Variants in GULP1 observed in about 807,000 individuals in gnomAD.
GULP1 encodes GULP PTB domain containing engulfment adaptor 1.
GULP1 carries 19 observed loss-of-function variants against 40.9 expected under a neutral mutation model. The observed-to-expected ratio is 0.46, with a 90% CI of 0.32 to 0.68. The LOEUF is 0.68. Ranked by LOEUF, GULP1 falls within the 30% of genes least tolerant of loss-of-function variation. The pLI is 0.03. For synonymous variants in GULP1, 119 were observed against 117.6 expected (o/e 1.01, Z -0.08); for missense variants, 312 against 362.2 (o/e 0.86, Z 1.12).
At chr2:188,317,767 T>A (rs943953369) in intron 1 of GULP1, among the ~76,000 whole-genome samples, 2 of 150,970 alleles carry the variant, frequency 1.3e-5, no homozygotes, top group Non-Finnish European at 2.9e-5. Flanking sequence ...ACATGTATTT[T>A]AAAATATGCT....
At chr2:188,348,848 C>G (rs2044063771) in intron 1 of GULP1, among the ~76,000 whole-genome samples, 1 of 152,124 alleles carries the variant, frequency 6.6e-6, no homozygotes, top group Non-Finnish European at 1.5e-5. Flanking sequence ...GATGACCGTA[C>G]TTTATCTTCT....
chr2:188,406,520 A>T (rs908937613), intron 2 of GULP1, among the ~76,000 whole-genome samples: 4 of 152,200 alleles, frequency 2.6e-5, no homozygotes, highest in Non-Finnish European at 5.9e-5. Flanking sequence ...GAGAAGTCAA[A>T]CTAATTTTTA....
chr2:188,441,976 A>T (rs1168038317), intron 2 of GULP1, among the ~76,000 whole-genome samples: 3 of 152,228 alleles, frequency 2.0e-5, no homozygotes, highest in Non-Finnish European at 4.4e-5. Context: ...TCAAAAACAT[A>T]AAAAATAGCC....
chr2:188,428,055 G>T (rs2056430324), intron 2 of GULP1, among the ~76,000 whole-genome samples: 1 of 152,222 alleles, frequency 6.6e-6, no homozygotes, highest in Admixed American at 6.5e-5. Flanking sequence ...TTGAGTCAAA[G>T]GAGTTTATTT....
intron 2 of GULP1, chr2:188,466,604 T>A (rs1373897199): frequency 1.3e-5 from 2 of 152,138 alleles, no homozygotes; most frequent in Non-Finnish European, 2.9e-5. Flanking sequence ...TAGCTTGCTC[T>A]TCTTATTCTG....
intron 1 of GULP1, among the ~76,000 whole-genome samples, chr2:188,337,565 G>A (rs545478005): frequency 9.9e-5 from 15 of 151,602 alleles, no homozygotes; most frequent in East Asian, 9.7e-4. Context: ...CAATAAATCC[G>A]GTGATGATAG....
intron 2 of GULP1, among the ~76,000 whole-genome samples, chr2:188,439,442 T>G (rs909049576): frequency 3.9e-5 from 6 of 152,198 alleles, no homozygotes; most frequent in African/African-American, 1.4e-4. Flanking sequence ...CAGCATTCTT[T>G]CTGTATCTCC....
At chr2:188,500,763 G>T (rs1250446281) in intron 4 of GULP1, among the ~76,000 whole-genome samples, 1 of 151,874 alleles carries the variant, frequency 6.6e-6, no homozygotes, top group Non-Finnish European at 1.5e-5. Flanking sequence ...ATAGTCCTCT[G>T]CCTTTCTTCA....
At chr2:188,517,701 G>A (rs1464297504) in intron 4 of GULP1, among the ~76,000 whole-genome samples, 1 of 152,098 alleles carries the variant, frequency 6.6e-6, no homozygotes, top group Non-Finnish European at 1.5e-5. Context: ...TGTCAGCATA[G>A]GTTGTCTTGT....
chr2:188,573,270 A>C (rs1228329889), intron 9 of GULP1, among the ~76,000 whole-genome samples: 1 of 152,154 alleles, frequency 6.6e-6, no homozygotes, highest in Non-Finnish European at 1.5e-5. Context: ...AGAACACTTA[A>C]GTACAGCTTA....
intron 7 of GULP1, among the ~76,000 whole-genome samples, chr2:188,546,972 A>G (rs1559365578): frequency 6.6e-6 from 1 of 152,038 alleles, no homozygotes; most frequent in Non-Finnish European, 1.5e-5. Context: ...ATTATTTAGG[A>G]ACAATATTAC....
At chr2:188,444,963 G>A (rs1349134323) in intron 2 of GULP1, among the ~76,000 whole-genome samples, 1 of 152,122 alleles carries the variant, frequency 6.6e-6, no homozygotes, top group East Asian at 1.9e-4. Flanking sequence ...TTTTAAAGCA[G>A]ACTCAACTGA....
chr2:188,545,780 T>C (rs184929161), intron 7 of GULP1, among the ~76,000 whole-genome samples: 1 of 151,940 alleles, frequency 6.6e-6, no homozygotes, highest in African/African-American at 2.4e-5. Flanking sequence ...TTAAAATATG[T>C]TGTTAAGGTG....
chr2:188,441,661 A>G (rs1041898068), intron 2 of GULP1, among the ~76,000 whole-genome samples: 6 of 152,302 alleles, frequency 3.9e-5, no homozygotes, highest in South Asian at 4.1e-4. Flanking sequence ...TAAAATTAAG[A>G]TTGAGCAATA....
chr2:188,325,449 G>T (rs1276795065), intron 1 of GULP1, among the ~76,000 whole-genome samples: 1 of 151,926 alleles, frequency 6.6e-6, no homozygotes, highest in Non-Finnish European at 1.5e-5. Flanking sequence ...TTGATTTGTT[G>T]TTTCTGTCAG....
intron 2 of GULP1, among the ~76,000 whole-genome samples, chr2:188,472,734 G>A (rs868678241): frequency 6.6e-6 from 1 of 152,100 alleles, no homozygotes; most frequent in Admixed American, 6.6e-5. Context: ...AAGCTATTTT[G>A]AATTCTCTGT....
At chr2:188,438,402 A>G (rs2057618891) in intron 2 of GULP1, among the ~76,000 whole-genome samples, 1 of 150,814 alleles carries the variant, frequency 6.6e-6, no homozygotes, top group African/African-American at 2.4e-5. Context: ...ATGATACATT[A>G]TATAATTATT....
At chr2:188,464,952 A>G (rs1004481155) in intron 2 of GULP1, among the ~76,000 whole-genome samples, 2 of 152,096 alleles carry the variant, frequency 1.3e-5, no homozygotes, top group African/African-American at 4.8e-5. Flanking sequence ...GCCATCCAAG[A>G]GTCAAGTCCT....
intron 6 of GULP1, among the ~76,000 whole-genome samples, chr2:188,537,224 G>A (rs1689168145): frequency 6.6e-6 from 1 of 151,848 alleles, no homozygotes; most frequent in African/African-American, 2.4e-5. Flanking sequence ...AGTACTCTGT[G>A]GAATAGGAGT....
Sources: gnomAD v4.1 joint callset for allele counts (sites outside exome capture counted in the v4.1 genomes callset) on GRCh38, gnomAD v4.1.1 for gene constraint, MANE v1.5 for transcripts, NCBI Gene and HGNC (gene_info 2026-07-23, HGNC 2026-07-21) for gene names.